The following ZNF609 variants were observed in gnomAD, a reference collection of about 807,000 sequenced individuals.
ZNF609 encodes the protein zinc finger protein 609.
Under a neutral mutation model 109.5 loss-of-function variants are expected in ZNF609, and 11 were observed. The ratio of observed to expected loss-of-function variants is 0.10; its 90% CI spans 0.06 to 0.17. The LOEUF (loss-of-function observed/expected upper bound fraction) is 0.17. Among genes scored for constraint, ZNF609 ranks in the 10% least tolerant of loss-of-function variants. ZNF609 has a pLI of 1.00. For missense variants in ZNF609, 1,559 were observed against 1,772.4 expected (o/e 0.88, Z 2.16); for synonymous variants, 646 against 662.0 (o/e 0.98, Z 0.37).
intron 2 of ZNF609, among the ~76,000 whole-genome samples, chr15:64,541,927 G>A (rs559948035): frequency 3.3e-5 from 5 of 149,566 alleles, no homozygotes; most frequent in South Asian, 2.1e-4. Flanking sequence ...GAAACTTAAC[G>A]AGTCCATTTT....
intron 3 of ZNF609, among the ~76,000 whole-genome samples, chr15:64,634,379 A>C (rs1896137207): frequency 1.3e-5 from 2 of 152,242 alleles, no homozygotes; most frequent in African/African-American, 4.8e-5. Flanking sequence ...GCTATTCTTC[A>C]TCCTCATCTG....
At chr15:64,621,973 A>T (rs1411337931) in intron 2 of ZNF609, among the ~76,000 whole-genome samples, 1 of 151,634 alleles carries the variant, frequency 6.6e-6, no homozygotes, top group Non-Finnish European at 1.5e-5. Context: ...TGATCTGCCC[A>T]CCTCGGCCTC....
At chr15:64,613,997 C>T (rs2140963582) in intron 2 of ZNF609, among the ~76,000 whole-genome samples, 1 of 150,494 alleles carries the variant, frequency 6.6e-6, no homozygotes, top group South Asian at 2.1e-4. Context: ...AATCTCAGCT[C>T]ACTGCAACCT....
rs1896798816 is a variant in ZNF609, at chr15:64,675,673, A to G, written c.2819A>G (p.Lys940Arg). 2.5e-6 allele frequency: 4 copies of G among 1,613,992 alleles called. No homozygotes were observed. The African/African-American group carries it at 5.3e-5, about 22-fold the overall frequency. ...EEPESIEGKV[K>R]NDICEEKKPE... ...CCTGAGAGCATAGAAGGGAAAGTGA[A>G]GAACGATATCTGTGAAGAAAAGAAG... Residue 940 changes from lysine (K) to arginine (R), a missense_variant, in exon 5 of 10, where the codon AAG becomes AGG. Physicochemically the swap from Lys to Arg is conservative, Grantham distance 26. Around this residue, in one of 4 missense-constraint regions of ZNF609, gnomAD observed 1,204 missense variants for 1,314.1 expected, o/e 0.92. Transcript: ENST00000326648.
intron 2 of ZNF609, among the ~76,000 whole-genome samples, chr15:64,583,535 C>G (rs1053128187): frequency 2.0e-5 from 3 of 152,006 alleles, no homozygotes; most frequent in Non-Finnish European, 4.4e-5. Context: ...TTGTCTTAGG[C>G]AAGTCATTTT....
chr15:64,553,808 C>T (rs1894530432), intron 2 of ZNF609, among the ~76,000 whole-genome samples: 1 of 151,962 alleles, frequency 6.6e-6, no homozygotes, highest in South Asian at 2.1e-4. Flanking sequence ...TCATGTTGGC[C>T]AGGAAGGTCT....
chr15:64,605,224 T>C (rs1895575236), intron 2 of ZNF609, among the ~76,000 whole-genome samples: 1 of 152,208 alleles, frequency 6.6e-6, no homozygotes, highest in African/African-American at 2.4e-5. Context: ...TAGCTTAAGG[T>C]ACCAAAGGAA....
chr15:64,640,674 C>T (rs1421126512), intron 3 of ZNF609, among the ~76,000 whole-genome samples: 1 of 152,140 alleles, frequency 6.6e-6, no homozygotes, highest in African/African-American at 2.4e-5. Flanking sequence ...AAAGCTGTTC[C>T]ATTGAGATGA....
In ZNF609 at chr15:64,499,847, C is replaced by T. The variant is rs1375762991; in HGVS notation, c.428C>T (p.Ser143Leu). 1.2e-6 allele frequency: 2 copies of T among 1,614,010 alleles called. No homozygotes were observed. Among genetic ancestry groups the T allele is most frequent in the Admixed American group, 1.7e-5 (1 of 59,988 alleles). Residue 143 changes from serine to leucine, a missense_variant, in exon 2 of 10, where the codon TCA (serine) becomes TTA (leucine). Physicochemically the swap from Ser to Leu is moderately radical, Grantham distance 145 (BLOSUM62 -2). This residue lies in a region of ZNF609 where 291 missense variants were observed against 317.8 expected (regional missense o/e 0.92). Transcript: ENST00000326648. ...GLVAAIAPKG[S>L]EKAAKASRSV... ...GTTGCTGCTATTGCTCCCAAGGGCT[C>T]AGAGAAGGCGGCTAAGGCATCCCGC...
intron 1 of ZNF609, among the ~76,000 whole-genome samples, chr15:64,493,168 A>G (rs1360976285): frequency 1.3e-5 from 2 of 152,120 alleles, no homozygotes; most frequent in African/African-American, 4.8e-5. Context: ...GCCTTCTTGG[A>G]TGGATACAGA....
At chr15:64,528,162 A>C (rs1232098102) in intron 2 of ZNF609, among the ~76,000 whole-genome samples, 1 of 150,952 alleles carries the variant, frequency 6.6e-6, no homozygotes, top group East Asian at 1.9e-4. Context: ...CAGTGACGCG[A>C]TCTCGGCTCA....
At chr15:64,575,905 A>G (rs983433542) in intron 2 of ZNF609, among the ~76,000 whole-genome samples, 5 of 152,256 alleles carry the variant, frequency 3.3e-5, no homozygotes, top group Admixed American at 3.3e-4. Flanking sequence ...AATCAAGACC[A>G]TCCTGGCTAA....
At chr15:64,627,191 C>CA (rs560250739) in intron 3 of ZNF609, among the ~76,000 whole-genome samples, 1,264 of 123,778 alleles carry the variant, frequency 0.01, 12 homozygotes, top group African/African-American at 0.03. Flanking sequence ...GACTCCGTCT[C>CA]AAAAAAAAAA....
At chr15:64,462,927 C>T (rs1277218964) in intron 1 of ZNF609, among the ~76,000 whole-genome samples, 2 of 152,160 alleles carry the variant, frequency 1.3e-5, no homozygotes, top group African/African-American at 4.8e-5. Flanking sequence ...GATAGAAGTG[C>T]TCAAATAATA....
At chr15:64,550,540 AT>A (rs1894448938) in intron 2 of ZNF609, among the ~76,000 whole-genome samples, 1 of 151,738 alleles carries the variant, frequency 6.6e-6, no homozygotes, top group Non-Finnish European at 1.5e-5. Flanking sequence ...AAAATAAATA[AT>A]TAAAAAAAAA....
chr15:64,618,100 G>A (rs1895826921), intron 2 of ZNF609, among the ~76,000 whole-genome samples: 1 of 152,066 alleles, frequency 6.6e-6, no homozygotes. Flanking sequence ...TATATGAAAA[G>A]ATGGCAAAAT....
chr15:64,617,124 A>C (rs935242659), intron 2 of ZNF609, among the ~76,000 whole-genome samples: 1 of 151,974 alleles, frequency 6.6e-6, no homozygotes, highest in Non-Finnish European at 1.5e-5. Flanking sequence ...TGCTATGTAA[A>C]GGTAAATTGA....
rs1456932968 is a variant in ZNF609 at position 64,682,104 on chromosome 15, T to C, written c.*418T>C. On this transcript the variant is annotated 3_prime_UTR_variant, in exon 10 of 10. Transcript: ENST00000326648. Reference sequence around the variant, plus strand: ...GGGACCCCCACCCCCAAGCACTGGGTAAGGTCTGAAGACAGCACAGCAGCC... The same window carrying C: ...GGGACCCCCACCCCCAAGCACTGGGCAAGGTCTGAAGACAGCACAGCAGCC... 1 of 144,264 alleles carries C rather than the reference T, an allele frequency of 6.9e-6. No homozygotes were observed. The highest frequency in any genetic ancestry group is 1.5e-5 in the Non-Finnish European group (1 of 66,400). 8.9% of individuals were successfully genotyped at this position (144,264 alleles called of 1,614,324 possible).
intron 2 of ZNF609, among the ~76,000 whole-genome samples, chr15:64,572,942 G>A (rs1401232774): frequency 6.6e-6 from 1 of 152,128 alleles, no homozygotes; most frequent in Non-Finnish European, 1.5e-5. Flanking sequence ...CTTTCCAAAA[G>A]GTTGTGGCTC....
Sources: gnomAD v4.1 joint callset for allele counts (sites outside exome capture counted in the v4.1 genomes callset) on GRCh38, gnomAD v4.1.1 for gene constraint, gnomAD v4.1.1 regional missense constraint, MANE v1.5 for transcripts, NCBI Gene and HGNC (gene_info 2026-07-23, HGNC 2026-07-21) for gene names.